Variants in HS3ST2 observed in about 807,000 individuals in gnomAD.
The protein encoded by HS3ST2 is heparan sulfate glucosamine 3-O-sulfotransferase 2.
In HS3ST2, 17 loss-of-function variants were observed where a neutral mutation model predicts 26.3. The ratio of observed to expected loss-of-function variants is 0.65; its 90% CI spans 0.44 to 0.97. The LOEUF (loss-of-function observed/expected upper bound fraction) is 0.97. HS3ST2 is among the 50% of genes least tolerant of loss of function. The pLI is 0.00. For missense variants in HS3ST2, 402 were observed against 501.2 expected, an observed-to-expected ratio of 0.80 and a Z score of 1.89; for synonymous variants, 237 against 219.2, an observed-to-expected ratio of 1.08 and a Z score of -0.72.
intron 1 of HS3ST2, among the ~76,000 whole-genome samples, chr16:22,905,751 A>G (rs984339992): frequency 9.9e-5 from 15 of 152,178 alleles, no homozygotes; most frequent in Non-Finnish European, 2.1e-4. Flanking sequence ...GACAGTAAAC[A>G]TGCAAATCAA....
At chr16:22,861,453 A>G (rs1901673209) in intron 1 of HS3ST2, among the ~76,000 whole-genome samples, 1 of 151,938 alleles carries the variant, frequency 6.6e-6, no homozygotes, top group Non-Finnish European at 1.5e-5. Context: ...ACTGGGGGCC[A>G]TACCCTGGAA....
At chr16:22,884,802 C>G (rs1902038168) in intron 1 of HS3ST2, among the ~76,000 whole-genome samples, 1 of 149,486 alleles carries the variant, frequency 6.7e-6, no homozygotes, top group Non-Finnish European at 1.5e-5. Context: ...CAGCCCTGAA[C>G]CACTGCATTT....
intron 1 of HS3ST2, among the ~76,000 whole-genome samples, chr16:22,865,156 G>A (rs1411609770): frequency 6.6e-6 from 1 of 150,944 alleles, no homozygotes; most frequent in Non-Finnish European, 1.5e-5. Flanking sequence ...CTTATTAAAA[G>A]TTGAAACCTC....
intron 1 of HS3ST2, among the ~76,000 whole-genome samples, chr16:22,866,305 G>A (rs60366244): frequency 5.1e-4 from 77 of 151,000 alleles, no homozygotes; most frequent in East Asian, 9.9e-4. Context: ...GGGAGAATTC[G>A]CGCAAGCACG....
At chr16:22,825,071 T>C (rs456997) in intron 1 of HS3ST2, among the ~76,000 whole-genome samples, 21,907 of 152,066 alleles carry the variant, frequency 0.14, 1,710 homozygotes, top group East Asian at 0.22. Flanking sequence ...GAAACTACTA[T>C]GGAAGGCAGT....
In HS3ST2 at chr16:22,827,686, G is replaced by A. The variant is rs149208253; in HGVS notation, c.485+12591G>A. Among the ~76,000 whole-genome samples, 30 of 150,504 alleles carry A rather than the reference G, an allele frequency of 2.0e-4. No individual in the cohort carries two copies. The East Asian group carries it at 5.7e-3, about 29-fold the overall frequency. On this transcript the variant is annotated intron_variant, in intron 1 of 1. Coordinates refer to ENST00000261374, the MANE Select transcript of HS3ST2 (RefSeq NM_006043.2). ...CAGTGTTGCTGCTGAGGTTGATGAT[G>A]TGATAGTATTTCTTTCTTTCTTTCT...
chr16:22,871,182 C>T (rs1057211764), intron 1 of HS3ST2, among the ~76,000 whole-genome samples: 14 of 152,000 alleles, frequency 9.2e-5, no homozygotes, highest in African/African-American at 3.1e-4. Context: ...ATGGTGAAAC[C>T]CCGTCTCTAC....
chr16:22,914,484 T>G (rs1034810489), intron 1 of HS3ST2, among the ~76,000 whole-genome samples: 2 of 151,890 alleles, frequency 1.3e-5, no homozygotes, highest in Admixed American at 1.3e-4. Flanking sequence ...GGTGGGAGGA[T>G]TGCTTGAGCC....
In HS3ST2 at chr16:22,859,519, T is replaced by G. The variant is rs17723575; in HGVS notation, c.485+44424T>G. Among the ~76,000 whole-genome samples, 680 of 152,324 alleles carry G rather than the reference T, an allele frequency of 4.5e-3. 4 individuals carry two copies. Among genetic ancestry groups the G allele is most frequent in the Admixed American group, 8.3e-3 (127 of 15,300 alleles). On this transcript the variant is annotated intron_variant, in intron 1 of 1. Transcript: ENST00000261374. ...ATTTTCAGTGTTATAGCTGTCAGATTCCTTACATCTTTTATGAGTCTTGTG... is the reference window on the plus strand; with the variant it reads ...ATTTTCAGTGTTATAGCTGTCAGATGCCTTACATCTTTTATGAGTCTTGTG...
At chr16:22,851,393 A>G (rs748924823) in intron 1 of HS3ST2, among the ~76,000 whole-genome samples, 1 of 152,234 alleles carries the variant, frequency 6.6e-6, no homozygotes, top group Non-Finnish European at 1.5e-5. Context: ...ACCAAGTCTT[A>G]TTGGAGTCAA....
intron 1 of HS3ST2, among the ~76,000 whole-genome samples, chr16:22,869,026 A>G (rs1312021580): frequency 6.6e-6 from 1 of 151,832 alleles, no homozygotes; most frequent in African/African-American, 2.4e-5. Flanking sequence ...TCCTCTGAAC[A>G]GCAGTGGGAC....
chr16:22,914,471 T>C (rs1019973180), intron 1 of HS3ST2, among the ~76,000 whole-genome samples: 13 of 151,464 alleles, frequency 8.6e-5, no homozygotes, highest in Non-Finnish European at 1.6e-4. Flanking sequence ...TTTGGGAGGT[T>C]GAGGTGGGAG....
intron 1 of HS3ST2, among the ~76,000 whole-genome samples, chr16:22,865,581 G>T (rs1005515764): frequency 6.6e-6 from 1 of 151,942 alleles, no homozygotes; most frequent in African/African-American, 2.4e-5. Flanking sequence ...AGTGCTGCTA[G>T]ACCCAGAGAT....
chr16:22,915,303 C>G lies in HS3ST2; in HGVS notation c.845C>G (p.Ala282Gly). 1 of 1,614,032 alleles carries G rather than the reference C, an allele frequency of 6.2e-7. No homozygotes were observed. Among genetic ancestry groups the G allele is most frequent in the African/African-American group, 1.3e-5 (1 of 74,986 alleles). ...VSGERLITDPAGEMGRVQDFL... is the reference protein window; with the variant it reads ...VSGERLITDPGGEMGRVQDFL... ...GGCGAGCGACTCATCACTGACCCGG[C>G]CGGCGAGATGGGGCGAGTCCAGGAC... is the stretch of plus-strand genomic sequence containing the variant. The change falls in exon 2 of 2, where the codon GCC (alanine) becomes GGC (glycine). Residue 282 changes from alanine to glycine, a missense_variant. By Grantham distance (60) the Ala-to-Gly change is moderately conservative. Transcript: ENST00000261374.
At chr16:22,864,214 G>T (rs140325375) in intron 1 of HS3ST2, among the ~76,000 whole-genome samples, 1 of 152,158 alleles carries the variant, frequency 6.6e-6, no homozygotes, top group African/African-American at 2.4e-5. Context: ...TCTGGAGGAG[G>T]TGTTATGATG....
chr16:22,914,686 G>A (rs1567503350), intron 1 of HS3ST2, among the ~76,000 whole-genome samples: 1 of 127,958 alleles, frequency 7.8e-6, no homozygotes, highest in Non-Finnish European at 1.6e-5. Flanking sequence ...GCAGTGAGCT[G>A]TGATTGTACC....
intron 1 of HS3ST2, among the ~76,000 whole-genome samples, chr16:22,858,246 A>G (rs1901626603): frequency 6.6e-6 from 1 of 151,666 alleles, no homozygotes. Context: ...TGGATACCCC[A>G]TTTACCTTGA....
intron 1 of HS3ST2, among the ~76,000 whole-genome samples, chr16:22,906,988 G>A (rs1342439551): frequency 6.6e-5 from 10 of 152,192 alleles, no homozygotes; most frequent in Admixed American, 2.6e-4. Context: ...GGGCATGAGG[G>A]TGCTAGTAGG....
At chr16:22,870,338 G>T (rs1007676678) in intron 1 of HS3ST2, among the ~76,000 whole-genome samples, 1 of 152,092 alleles carries the variant, frequency 6.6e-6, no homozygotes, top group Admixed American at 6.5e-5. Flanking sequence ...CCCACTCTCA[G>T]CCAAGCCACC....
Sources: allele counts gnomAD v4.1 joint callset (sites outside exome capture counted in the v4.1 genomes callset), GRCh38; gene constraint gnomAD v4.1.1; transcripts MANE v1.5; gene names NCBI Gene and HGNC (gene_info 2026-07-23, HGNC 2026-07-21).